MITF: variants seen among roughly 807,000 people sequenced by gnomAD.
The protein encoded by MITF is microphthalmia-associated transcription factor.
MITF carries 17 observed loss-of-function variants against 60.5 expected under a neutral mutation model. The observed-to-expected ratio is 0.28, with a 90% CI of 0.19 to 0.42. MITF has a LOEUF of 0.42. Among genes scored for constraint, MITF ranks in the 10% least tolerant of loss-of-function variants. The probability of loss-of-function intolerance (pLI) is 1.00; values close to 1 mark genes in which losing one functional copy is unlikely to be tolerated. For synonymous variants in MITF, 260 were observed against 248.5 expected (o/e 1.05, Z -0.43); for missense variants, 622 against 683.5 (o/e 0.91, Z 1.00).
At chr3:69,919,699 A>T (rs1291917331) in intron 2 of MITF, among the ~76,000 whole-genome samples, 2 of 152,236 alleles carry the variant, frequency 1.3e-5, no homozygotes, top group African/African-American at 4.8e-5. Flanking sequence ...AGAAAATAAA[A>T]GTCTGGGGTT....
chr3:69,900,045 C>T (rs868679106), intron 2 of MITF, among the ~76,000 whole-genome samples: 1 of 152,122 alleles, frequency 6.6e-6, no homozygotes, highest in Admixed American at 6.5e-5. Context: ...CTGACTTGCT[C>T]AGTACCTCTT....
chr3:69,908,023 T>A (rs2065138837), intron 2 of MITF, among the ~76,000 whole-genome samples: 1 of 152,196 alleles, frequency 6.6e-6, no homozygotes. Flanking sequence ...TCCAGCTTTT[T>A]TTGTTGTTGT....
At chr3:69,961,502 C>T (rs1480649486) in intron 9 of MITF, among the ~76,000 whole-genome samples, 1 of 150,000 alleles carries the variant, frequency 6.7e-6, no homozygotes, top group East Asian at 2.0e-4. Context: ...TTCAGGAGTT[C>T]GAGACCAGTC....
At chr3:69,821,967 G>T (rs993525593) in intron 1 of MITF, among the ~76,000 whole-genome samples, 5 of 152,042 alleles carry the variant, frequency 3.3e-5, no homozygotes, top group Non-Finnish European at 7.4e-5. Flanking sequence ...GGTCTAGAAC[G>T]CCTGGGCTCA....
intron 1 of MITF, among the ~76,000 whole-genome samples, chr3:69,853,959 C>G (rs2063870556): frequency 6.6e-6 from 1 of 150,546 alleles, no homozygotes; most frequent in South Asian, 2.1e-4. Flanking sequence ...CTCCCATGTT[C>G]AAGTGACTCT....
intron 1 of MITF, among the ~76,000 whole-genome samples, chr3:69,767,781 A>G (rs1370723951): frequency 1.3e-5 from 2 of 152,014 alleles, no homozygotes; most frequent in African/African-American, 2.4e-5. Flanking sequence ...CTGGCTGCCA[A>G]ATGAAGAATG....
chr3:69,756,306 C>T (rs1704145670), intron 1 of MITF, among the ~76,000 whole-genome samples: 1 of 152,086 alleles, frequency 6.6e-6, no homozygotes, highest in Non-Finnish European at 1.5e-5. Context: ...CCGACAGGCC[C>T]TGGTGTGTGA....
chr3:69,966,777 G>A lies in MITF; in HGVS notation c.*1529G>A, dbSNP rs2066699488. ...CCAGGCTGTTGAATGGAATTTCTCA[G>A]TAGCAGCCTACAACTGAATAGCAAG... On this transcript the variant is annotated 3_prime_UTR_variant, in exon 10 of 10. Coordinates refer to ENST00000352241, the MANE Select transcript of MITF (RefSeq NM_001354604.2). 8.6e-6 allele frequency: 2 copies of A among 232,930 alleles called. No individual in the cohort carries two copies. The highest frequency in any genetic ancestry group is 4.4e-5 in the African/African-American group (2 of 45,442). The allele number at this position is 232,930 out of a possible 1,614,324, so 14.4% of individuals were successfully genotyped here. A position where few individuals can be genotyped will look rare whatever the true frequency, so the allele number is the denominator to read the frequency against.
intron 1 of MITF, among the ~76,000 whole-genome samples, chr3:69,800,280 TG>T (rs1197716553): frequency 2.6e-5 from 4 of 152,364 alleles, no homozygotes; most frequent in Admixed American, 1.3e-4. Flanking sequence ...GACCTTTTTA[TG>T]GTCATTCCTT....
chr3:69,930,156 T>C (rs2065685917), intron 2 of MITF, among the ~76,000 whole-genome samples: 1 of 152,114 alleles, frequency 6.6e-6, no homozygotes, highest in Non-Finnish European at 1.5e-5. Context: ...CGGTGCCGTC[T>C]CGTAGGCCAG....
chr3:69,853,641 A>G (rs183901616), intron 1 of MITF, among the ~76,000 whole-genome samples: 1 of 151,602 alleles, frequency 6.6e-6, no homozygotes, highest in African/African-American at 2.4e-5. Flanking sequence ...TGTTCTAATC[A>G]CTCCTTTGCT....
At chr3:69,785,410 A>G (rs1290149044) in intron 1 of MITF, among the ~76,000 whole-genome samples, 1 of 152,156 alleles carries the variant, frequency 6.6e-6, no homozygotes, top group Non-Finnish European at 1.5e-5. Context: ...GCTCGGTACC[A>G]TCTTTCATGT....
At chr3:69,787,528 C>A (rs1257354188) in intron 1 of MITF, among the ~76,000 whole-genome samples, 1 of 152,154 alleles carries the variant, frequency 6.6e-6, no homozygotes, top group Non-Finnish European at 1.5e-5. Context: ...GATTCTCTTT[C>A]TTTCCACTTT....
chr3:69,763,530 A>C (rs781189863), intron 1 of MITF: 1 of 1,105,900 alleles, frequency 9.0e-7, no homozygotes, highest in Non-Finnish European at 1.1e-6. Context: ...GCTGCCAAGG[A>C]TCCTGTTAAT....
chr3:69,816,814 G>T (rs949138281), intron 1 of MITF, among the ~76,000 whole-genome samples: 3 of 152,184 alleles, frequency 2.0e-5, no homozygotes, highest in Non-Finnish European at 2.9e-5. Flanking sequence ...TGATGATGTT[G>T]ATAATGGTGG....
chr3:69,943,282 C>A (rs1214745483), intron 5 of MITF, among the ~76,000 whole-genome samples: 5 of 151,906 alleles, frequency 3.3e-5, no homozygotes, highest in Non-Finnish European at 7.4e-5. Context: ...AAAAAAGGAT[C>A]TGTACTAGCT....
intron 1 of MITF, among the ~76,000 whole-genome samples, chr3:69,840,843 C>T (rs2063623804): frequency 6.6e-6 from 1 of 151,488 alleles, no homozygotes; most frequent in Admixed American, 6.6e-5. Flanking sequence ...AACCTCTCTG[C>T]CTTCTAGGTT....
At position 69,929,717 on chromosome 3, in the gene MITF, TATTC is replaced by T. The variant is rs144493842; in HGVS notation, c.355-8101_355-8098del. ...ATCTGACAATATCACAAGATCCCCCTATTCATTGTATTGAAAATACACCGTCAGA... is the reference window on the plus strand; with the variant it reads ...ATCTGACAATATCACAAGATCCCCCTATTGTATTGAAAATACACCGTCAGA... On this transcript the variant is annotated intron_variant, in intron 2 of 9. Coordinates refer to ENST00000352241, the MANE Select transcript of MITF (RefSeq NM_001354604.2). Among the ~76,000 whole-genome samples, 858 of 152,246 alleles carry T rather than the reference TATTC, an allele frequency of 5.6e-3. 6 individuals are homozygous for T. Among genetic ancestry groups the T allele is most frequent in the African/African-American group, 0.019 (791 of 41,540 alleles).
At chr3:69,872,350 T>G (rs1458080477) in intron 1 of MITF, among the ~76,000 whole-genome samples, 1 of 152,156 alleles carries the variant, frequency 6.6e-6, no homozygotes, top group Non-Finnish European at 1.5e-5. Context: ...AAAAAAAATC[T>G]GCTGATGAAA....
Sources: allele counts gnomAD v4.1 joint callset (sites outside exome capture counted in the v4.1 genomes callset), GRCh38; gene constraint gnomAD v4.1.1; transcripts MANE v1.5; gene names NCBI Gene and HGNC (gene_info 2026-07-23, HGNC 2026-07-21).